The following DLG2 variants were observed in gnomAD, a reference collection of about 807,000 sequenced individuals.
DLG2 encodes the protein discs large MAGUK scaffold protein 2.
A neutral mutation model predicts 132.5 loss-of-function variants in DLG2; 45 were observed. The ratio of observed to expected loss-of-function variants is 0.34; its 90% CI spans 0.27 to 0.44. DLG2 has a LOEUF of 0.44. DLG2 is among the 20% of genes least tolerant of loss of function. The pLI, the probability that DLG2 is intolerant of heterozygous loss-of-function variation, is 1.00. For synonymous variants in DLG2, 424 were observed against 419.6 expected (o/e 1.01, Z -0.13); for missense variants, 1,045 against 1,196.9 (o/e 0.87, Z 1.87).
intron 7 of DLG2, among the ~76,000 whole-genome samples, chr11:84,385,739 T>C (rs2098767253): frequency 6.6e-6 from 1 of 152,110 alleles, no homozygotes; most frequent in African/African-American, 2.4e-5. Context: ...CTGAAAAGAT[T>C]GTATATACCT....
At chr11:84,824,968 T>G (rs923328712) in intron 6 of DLG2, among the ~76,000 whole-genome samples, 5 of 151,900 alleles carry the variant, frequency 3.3e-5, no homozygotes, top group African/African-American at 1.2e-4. Flanking sequence ...TGTGGGCTCT[T>G]GACATTTGGA....
At chr11:84,093,646 G>A (rs569373399) in intron 10 of DLG2, among the ~76,000 whole-genome samples, 33 of 151,868 alleles carry the variant, frequency 2.2e-4, no homozygotes, top group East Asian at 1.2e-3. Flanking sequence ...ATGGGGTCTC[G>A]CTCTGTTGCC....
At chr11:83,950,587 C>T (rs561360155) in intron 14 of DLG2, among the ~76,000 whole-genome samples, 1 of 152,320 alleles carries the variant, frequency 6.6e-6, no homozygotes, top group Non-Finnish European at 1.5e-5. Context: ...GAGTGAAACC[C>T]TGTCTCAAAA....
chr11:84,344,252 A>T (rs765026456), intron 7 of DLG2, among the ~76,000 whole-genome samples: 2 of 152,206 alleles, frequency 1.3e-5, no homozygotes, highest in Non-Finnish European at 1.5e-5. Flanking sequence ...TCCACTGTTT[A>T]CTAACTATAT....
At chr11:83,650,044 C>A (rs527868339) in intron 18 of DLG2, among the ~76,000 whole-genome samples, 1 of 152,280 alleles carries the variant, frequency 6.6e-6, no homozygotes, top group Admixed American at 6.5e-5. Context: ...CAGACCTGGA[C>A]AAGTGTAAAT....
intron 6 of DLG2, among the ~76,000 whole-genome samples, chr11:85,016,614 C>T (rs900962246): frequency 6.6e-6 from 1 of 152,142 alleles, no homozygotes; most frequent in Non-Finnish European, 1.5e-5. Flanking sequence ...GGGAAAGGAA[C>T]TCACACACAC....
chr11:84,523,091 A>G (rs542446107), intron 7 of DLG2, among the ~76,000 whole-genome samples: 1 of 152,338 alleles, frequency 6.6e-6, no homozygotes, highest in Non-Finnish European at 1.5e-5. Flanking sequence ...AAGGACATCA[A>G]GGATGAGGAT....
At chr11:85,070,710 T>C (rs919376517) in intron 6 of DLG2, among the ~76,000 whole-genome samples, 15 of 151,868 alleles carry the variant, frequency 9.9e-5, no homozygotes, top group African/African-American at 3.4e-4. Context: ...CTGTGCTATA[T>C]ATAATCACTT....
rs543608367 is a variant in DLG2 at position 84,651,634 on chromosome 11, C to G, written c.358-116903G>C. ...AGGTGAAGCCATTGGTATTGGAAAA[C>G]AGACTATGGCTTTTGAATTATTATG... On this transcript the variant is annotated intron_variant, in intron 6 of 27. Coordinates refer to ENST00000376104, the MANE Select transcript of DLG2 (RefSeq NM_001142699.3). Among the ~76,000 whole-genome samples the G allele has an allele frequency of 3.9e-5, 6 of 152,298 alleles. No individual in the cohort carries two copies. The East Asian group carries it at 1.2e-3, about 29-fold the overall frequency.
chr11:85,023,851 A>G (rs2060288803), intron 6 of DLG2, among the ~76,000 whole-genome samples: 1 of 152,106 alleles, frequency 6.6e-6, no homozygotes, highest in Non-Finnish European at 1.5e-5. Flanking sequence ...AAATTCTTGC[A>G]TGTTAAGAAT....
intron 6 of DLG2, among the ~76,000 whole-genome samples, chr11:84,822,232 A>G (rs1282492764): frequency 2.0e-5 from 3 of 151,816 alleles, no homozygotes; most frequent in Non-Finnish European, 4.4e-5. Flanking sequence ...TTAGTTAATT[A>G]AACTAATTAA....
chr11:85,478,625 T>G (rs530998722), intron 3 of DLG2, among the ~76,000 whole-genome samples: 32 of 152,356 alleles, frequency 2.1e-4, no homozygotes, highest in South Asian at 1.9e-3. Context: ...AGGCTGAGTT[T>G]GCTTATTTGT....
intron 6 of DLG2, among the ~76,000 whole-genome samples, chr11:85,002,602 T>C (rs1015918078): frequency 4.6e-5 from 7 of 152,186 alleles, no homozygotes; most frequent in African/African-American, 1.7e-4. Context: ...TAAGTGAATG[T>C]GGCCTTGAGA....
At chr11:83,715,738 C>A (rs1230725812) in intron 18 of DLG2, among the ~76,000 whole-genome samples, 2 of 152,180 alleles carry the variant, frequency 1.3e-5, no homozygotes, top group African/African-American at 4.8e-5. Flanking sequence ...CAGGCCCGAC[C>A]AGATACTCAT....
At chr11:83,557,655 G>A (rs1180469201) in intron 19 of DLG2, among the ~76,000 whole-genome samples, 1 of 152,186 alleles carries the variant, frequency 6.6e-6, no homozygotes, top group Non-Finnish European at 1.5e-5. Context: ...TCATCTTTGA[G>A]TTTTAGGCAT....
At chr11:85,534,445 T>C (rs1339349427) in intron 3 of DLG2, among the ~76,000 whole-genome samples, 1 of 152,108 alleles carries the variant, frequency 6.6e-6, no homozygotes, top group East Asian at 1.9e-4. Context: ...CCATTACCCA[T>C]ACAGTGAACA....
intron 3 of DLG2, among the ~76,000 whole-genome samples, chr11:85,491,232 T>C (rs879286769): frequency 2.0e-5 from 3 of 152,066 alleles, no homozygotes; most frequent in Admixed American, 6.6e-5. Context: ...CCTTTCATGA[T>C]AAAAACTCTC....
intron 7 of DLG2, among the ~76,000 whole-genome samples, chr11:84,423,578 C>T (rs565525219): frequency 1.0e-3 from 154 of 152,246 alleles, no homozygotes; most frequent in Non-Finnish European, 1.6e-3. Context: ...TTATTGTTGT[C>T]TTCCTCATAC....
intron 6 of DLG2, among the ~76,000 whole-genome samples, chr11:84,549,327 G>A (rs1210521820): frequency 6.6e-6 from 1 of 152,192 alleles, no homozygotes; most frequent in Non-Finnish European, 1.5e-5. Context: ...ACTGCCACTG[G>A]ATTCTATTGA....
Sources: allele counts gnomAD v4.1 joint callset (sites outside exome capture counted in the v4.1 genomes callset), GRCh38; gene constraint gnomAD v4.1.1; transcripts MANE v1.5; gene names NCBI Gene and HGNC (gene_info 2026-07-23, HGNC 2026-07-21).